The following ZFYVE16 variants were observed in gnomAD, a reference collection of about 807,000 sequenced individuals.
The protein encoded by ZFYVE16 is zinc finger FYVE-type containing 16, also known as zinc finger FYVE domain-containing protein 16.
Under a neutral mutation model 138.1 loss-of-function variants are expected in ZFYVE16, and 89 were observed. The observed-to-expected ratio is 0.64, with a 90% CI of 0.54 to 0.77. The LOEUF is 0.77. Among genes scored for constraint, ZFYVE16 ranks in the 30% least tolerant of loss-of-function variants. ZFYVE16 has a pLI of 0.00. For synonymous variants in ZFYVE16, 596 were observed against 618.3 expected (o/e 0.96, Z 0.53); for missense variants, 1,793 against 1,786.7 (o/e 1.00, Z -0.06).
At chr5:80,410,126 G>A (rs1745204647) in intron 1 of ZFYVE16, 2 of 151,994 alleles carry the variant, frequency 1.3e-5, no homozygotes, top group South Asian at 2.1e-4. Context: ...TGAGGGGGCT[G>A]GGGGGAGTCC....
At chr5:80,428,096 T>A (rs899012244) in intron 2 of ZFYVE16, among the ~76,000 whole-genome samples, 2 of 151,640 alleles carry the variant, frequency 1.3e-5, no homozygotes, top group African/African-American at 4.8e-5. Flanking sequence ...CAACTGAGAT[T>A]TGAAGAGAGC....
chr5:80,473,805 A>G lies in ZFYVE16; in HGVS notation c.4239A>G (p.Lys1413=). ...CATTACAAGGATTTCCAAGTGAAAA[A>G]ATAAAACTGGAAGCAGATTTTGAAA... The part of the protein sequence containing the change: ...GISLQGFPSE[K]IKLEADFETD... The change falls in exon 17 of 19, where the codon AAA becomes AAG. Residue 1413 remains lysine (K), a synonymous_variant. Coordinates refer to ENST00000505560, the MANE Select transcript of ZFYVE16 (RefSeq NM_001284236.3). 6.2e-7 allele frequency: 1 copy of G among 1,613,460 alleles called. No individual in the cohort carries two copies. Among genetic ancestry groups the G allele is most frequent in the Non-Finnish European group, 8.5e-7 (1 of 1,179,610 alleles).
intron 1 of ZFYVE16, among the ~76,000 whole-genome samples, chr5:80,423,562 G>A: frequency 6.6e-6 from 1 of 152,090 alleles, no homozygotes; most frequent in Non-Finnish European, 1.5e-5. Flanking sequence ...TTGAGATGGA[G>A]TCTTGCTCTG....
At chr5:80,442,873 G>A (rs1750873174) in intron 5 of ZFYVE16, among the ~76,000 whole-genome samples, 1 of 152,236 alleles carries the variant, frequency 6.6e-6, no homozygotes, top group Non-Finnish European at 1.5e-5. Context: ...ACTCTCTGTA[G>A]ATATCAAACA....
intron 8 of ZFYVE16, among the ~76,000 whole-genome samples, chr5:80,448,664 A>G (rs1751656796): frequency 6.6e-6 from 1 of 152,174 alleles, no homozygotes; most frequent in African/African-American, 2.4e-5. Context: ...TTTAGCCCGA[A>G]GAAATATTTC....
At chr5:80,453,321 C>T (rs572064656) in intron 11 of ZFYVE16, among the ~76,000 whole-genome samples, 1 of 152,254 alleles carries the variant, frequency 6.6e-6, no homozygotes, top group South Asian at 2.1e-4. Context: ...CCAAATGTTT[C>T]ATCAATGCAG....
At chr5:80,447,384 A>G (rs533389115) in intron 7 of ZFYVE16, among the ~76,000 whole-genome samples, 69 of 152,290 alleles carry the variant, frequency 4.5e-4, no homozygotes, top group African/African-American at 1.5e-3. Flanking sequence ...AGACTTTACA[A>G]ATAGCCGTAA....
Position 80,449,709 on chromosome 5 carries a change from A to G in ZFYVE16, c.3222A>G (p.Ile1074Met). 6.3e-7 allele frequency: 1 copy of G among 1,591,970 alleles called. No individual in the cohort carries two copies. Residue 1074 changes from isoleucine (I) to methionine (M), a missense_variant, in exon 9 of 19, where the codon ATA becomes ATG. This residue lies in a region of ZFYVE16 where 498 missense variants were observed against 582.4 expected (regional missense o/e 0.86). Transcript: ENST00000505560. ...ATCTACTCGTGAATGTCAAATTCAT[A>G]TTTTGTAAGTAATAATTTATCCTTA... ...NANLLVNVKFIFYSSDKYWYF... is the reference protein window; with the variant it reads ...NANLLVNVKFMFYSSDKYWYF...
chr5:80,438,763 C>G lies in ZFYVE16; in HGVS notation c.2078C>G (p.Ser693Cys), dbSNP rs368859486. The G allele has an allele frequency of 9.9e-6, 16 of 1,614,104 alleles. No homozygotes were observed. Among genetic ancestry groups the G allele is most frequent in the East Asian group, 2.2e-5 (1 of 44,878 alleles). The change falls in exon 4 of 19, where the codon TCT becomes TGT. Residue 693 changes from serine (S) to cysteine (C), a missense_variant. By Grantham distance (112) the Ser-to-Cys change is moderately radical (BLOSUM62 -1). Coordinates refer to ENST00000505560, the MANE Select transcript of ZFYVE16 (RefSeq NM_001284236.3). ...TVVPITCAID[S>C]TADPQVSFNS... ...GTTCCAATCACTTGTGCTATAGATT[C>G]TACAGCTGATCCACAGGTTAGCTTC...
intron 15 of ZFYVE16, among the ~76,000 whole-genome samples, chr5:80,464,440 A>G (rs1246805126): frequency 6.6e-6 from 1 of 152,186 alleles, no homozygotes; most frequent in Non-Finnish European, 1.5e-5. Context: ...AACTGCCCCC[A>G]TGATTCAGTT....
At chr5:80,411,731 T>G (rs911873985) in intron 1 of ZFYVE16, 1 of 152,282 alleles carries the variant, frequency 6.6e-6, no homozygotes, top group Admixed American at 6.5e-5. Flanking sequence ...CAGATTCTTA[T>G]ATTCAGCTGC....
intron 3 of ZFYVE16, 127 bp downstream of exon 3, chr5:80,434,344 T>C (rs1054848951): frequency 5.0e-6 from 4 of 797,020 alleles, no homozygotes; most frequent in Non-Finnish European, 8.2e-6. Flanking sequence ...CTGCAAAAAG[T>C]TCATTTATTT....
chr5:80,481,429 G>T lies in ZFYVE16; in HGVS notation c.*4052G>T, dbSNP rs1755266211. 6.6e-6 allele frequency among the ~76,000 whole-genome samples: 1 copy of T among 152,080 alleles called. No homozygotes were observed. Among genetic ancestry groups the T allele is most frequent in the African/African-American group, 2.4e-5 (1 of 41,402 alleles). ...ACTAACCAGAAGCAGCTGAGCAAAG[G>T]TTCTGAACACTGAATTACAGTGTAG... is the stretch of plus-strand genomic sequence containing the variant. On this transcript the variant is annotated 3_prime_UTR_variant, in exon 19 of 19. Coordinates refer to ENST00000505560, the MANE Select transcript of ZFYVE16 (RefSeq NM_001284236.3).
At chr5:80,427,145 T>C (rs1014339267) in intron 1 of ZFYVE16, among the ~76,000 whole-genome samples, 10 of 151,976 alleles carry the variant, frequency 6.6e-5, no homozygotes, top group African/African-American at 2.2e-4. Flanking sequence ...CTTGCCTCCC[T>C]GAGAGCTGGG....
rs1424300737 is a variant in ZFYVE16, at chr5:80,448,060, C to T, written c.2759C>T (p.Thr920Ile). The part of the protein sequence containing the change: ...VNTVDHSHST[T>I]VEKPNNETGD... ...ACAGTGGATCATTCCCATTCTACTA[C>T]AGTGGAAAAGCCAAACAATGAGACA... Residue 920 changes from threonine to isoleucine, a missense_variant, in exon 8 of 19, where the codon ACA becomes ATA. Transcript: ENST00000505560. 1.2e-6 allele frequency: 2 copies of T among 1,612,032 alleles called. No homozygotes were observed. Among genetic ancestry groups the T allele is most frequent in the Admixed American group, 1.7e-5 (1 of 59,840 alleles).
chr5:80,461,021 A>G (rs1580323926), intron 15 of ZFYVE16, among the ~76,000 whole-genome samples: 2 of 152,260 alleles, frequency 1.3e-5, no homozygotes, highest in Non-Finnish European at 2.9e-5. Context: ...AAGAAAAAGT[A>G]TTTTTTTAGA....
chr5:80,415,958 GC>G (rs1286496681), intron 1 of ZFYVE16, among the ~76,000 whole-genome samples: 2 of 152,214 alleles, frequency 1.3e-5, no homozygotes, highest in African/African-American at 4.8e-5. Context: ...GAGCCACCAC[GC>G]CCGGCCAACT....
At chr5:80,423,818 G>C (rs907917027) in intron 1 of ZFYVE16, among the ~76,000 whole-genome samples, 1 of 152,038 alleles carries the variant, frequency 6.6e-6, no homozygotes, top group Non-Finnish European at 1.5e-5. Flanking sequence ...GATTACAGGC[G>C]TGAGCCACTG....
At chr5:80,420,126 A>G (rs1404226150) in intron 1 of ZFYVE16, among the ~76,000 whole-genome samples, 3 of 148,822 alleles carry the variant, frequency 2.0e-5, no homozygotes, top group African/African-American at 7.5e-5. Flanking sequence ...TTTTCTTTTG[A>G]GACAGAGTTT....
Sources: allele counts gnomAD v4.1 joint callset (sites outside exome capture counted in the v4.1 genomes callset), GRCh38; gene constraint gnomAD v4.1.1; regional missense constraint gnomAD v4.1.1; transcripts MANE v1.5; gene names NCBI Gene and HGNC (gene_info 2026-07-23, HGNC 2026-07-21).